The following USP31 variants were observed in gnomAD, a reference collection of about 807,000 sequenced individuals.
USP31 encodes the protein ubiquitin carboxyl-terminal hydrolase 31.
In USP31, 44 loss-of-function variants were observed where a neutral mutation model predicts 119.4. The observed-to-expected ratio is 0.37, with a 90% CI of 0.29 to 0.47. The LOEUF is 0.47. Among genes scored for constraint, USP31 ranks in the 20% least tolerant of loss-of-function variants. The probability of loss-of-function intolerance (pLI) is 0.99; values close to 1 mark genes in which losing one functional copy is unlikely to be tolerated. For synonymous variants in USP31, 749 were observed against 705.6 expected (o/e 1.06, Z -0.97); for missense variants, 1,643 against 1,730.2 (o/e 0.95, Z 0.89).
At chr16:23,086,670 G>A (rs1218738778) in intron 9 of USP31, among the ~76,000 whole-genome samples, 3 of 152,174 alleles carry the variant, frequency 2.0e-5, no homozygotes, top group South Asian at 2.1e-4. Flanking sequence ...GAGAGGAAGA[G>A]CAAAGCCTGA....
chr16:23,087,659 G>A, intron 8 of USP31, 65 bp downstream of exon 8: 1 of 1,404,476 alleles, frequency 7.1e-7, no homozygotes, highest in Non-Finnish European at 9.9e-7. Context: ...AAATTTCATT[G>A]TAATGTTTGT....
intron 7 of USP31, 85 bp from the exon 8 acceptor site, chr16:23,087,920 G>T (rs563053462): frequency 8.5e-7 from 1 of 1,182,236 alleles, no homozygotes; most frequent in South Asian, 1.3e-5. Flanking sequence ...CTCTTAAAAC[G>T]GAATCACAAT....
intron 1 of USP31, among the ~76,000 whole-genome samples, chr16:23,132,276 A>G (rs925367271): frequency 2.0e-5 from 3 of 152,248 alleles, no homozygotes; most frequent in Non-Finnish European, 4.4e-5. Context: ...AACAGAGGAC[A>G]TAACTTTAAA....
intron 1 of USP31, among the ~76,000 whole-genome samples, chr16:23,118,870 G>C (rs1242131740): frequency 1.3e-5 from 2 of 151,844 alleles, no homozygotes; most frequent in Non-Finnish European, 2.9e-5. Flanking sequence ...CTACTCTACA[G>C]GCTGAGGCAG....
At position 23,106,443 on chromosome 16, in the gene USP31, A is replaced by T. The variant is rs776523536; in HGVS notation, c.816T>A (p.Pro272=). 6.2e-7 allele frequency: 1 copy of T among 1,613,836 alleles called. No individual in the cohort carries two copies. The highest frequency in any genetic ancestry group is 1.7e-5 in the Admixed American group (1 of 59,980). Residue 272 remains proline (P), a synonymous_variant, in exon 3 of 16, where the codon CCT becomes CCA. Transcript: ENST00000219689. ...GTTCTTGTACAAAAGTGCTACAGAC[A>T]GGGAAAGATGGTCCCTCAGGCATCA... is the stretch of plus-strand genomic sequence containing the variant. ...TDMMPEGPSF[P]VCSTFVQELF...
chr16:23,101,075 T>C (rs529064622), intron 6 of USP31, among the ~76,000 whole-genome samples: 1 of 152,256 alleles, frequency 6.6e-6, no homozygotes, highest in East Asian at 1.9e-4. Flanking sequence ...GAACCACTGG[T>C]AAATCAATAG....
chr16:23,082,667 C>T, intron 11 of USP31, 110 bp from the exon 12 acceptor site: 1 of 1,438,576 alleles, frequency 7.0e-7, no homozygotes, highest in Non-Finnish European at 9.5e-7. Context: ...TCTCTGTAAA[C>T]CGCAGATGCT....
intron 1 of USP31, among the ~76,000 whole-genome samples, chr16:23,129,492 A>G (rs914606048): frequency 8.5e-5 from 13 of 152,182 alleles, no homozygotes; most frequent in African/African-American, 2.9e-4. Context: ...TTAAATATTT[A>G]TGGGTGAAAT....
chr16:23,095,258 T>G (rs1901551123), intron 6 of USP31, among the ~76,000 whole-genome samples: 1 of 151,870 alleles, frequency 6.6e-6, no homozygotes, highest in African/African-American at 2.4e-5. Flanking sequence ...TGACTGAAGC[T>G]CAAATTAATG....
At chr16:23,114,097 C>CCTTA (rs1221390282) in intron 1 of USP31, among the ~76,000 whole-genome samples, 1 of 150,344 alleles carries the variant, frequency 6.7e-6, no homozygotes, top group Non-Finnish European at 1.5e-5. Context: ...AGAGCAAGAC[C>CCTTA]CTTACTCAAA....
intron 13 of USP31, among the ~76,000 whole-genome samples, chr16:23,077,467 G>A (rs564651919): frequency 2.0e-5 from 3 of 152,172 alleles, no homozygotes; most frequent in Non-Finnish European, 4.4e-5. Context: ...AAGGTAGCAA[G>A]GCCAACGGAC....
At chr16:23,131,611 A>G (rs1255903950) in intron 1 of USP31, among the ~76,000 whole-genome samples, 1 of 152,146 alleles carries the variant, frequency 6.6e-6, no homozygotes, top group East Asian at 1.9e-4. Context: ...CAAGCAGTAA[A>G]ATGAGTGTAG....
intron 7 of USP31, among the ~76,000 whole-genome samples, chr16:23,088,661 C>A (rs1464804722): frequency 6.6e-6 from 1 of 152,208 alleles, no homozygotes; most frequent in Non-Finnish European, 1.5e-5. Context: ...GTCTCCTACT[C>A]ACTCATGTGA....
At position 23,149,119 on chromosome 16, in the gene USP31, G is replaced by A. The variant is rs1430919532; in HGVS notation, c.152C>T (p.Ser51Leu). Residue 51 changes from serine to leucine, a missense_variant, in exon 1 of 16, where the codon TCG becomes TTG. By Grantham distance (145) the Ser-to-Leu change is moderately radical (BLOSUM62 -2). Around this residue, in one of 5 missense-constraint regions of USP31, gnomAD observed 302 missense variants for 262.6 expected, o/e 1.15. Coordinates refer to ENST00000219689, the MANE Select transcript of USP31 (RefSeq NM_020718.4). ...GCGTGCAGAGGAGGGCGAGGAGGGC[G>A]AGGAAGGCGCGGCCGGCCCGGACGC... ...PGASGPAAPS[S>L]PSSPSSARSV... is the part of the protein sequence containing the mutation. 3.3e-5 allele frequency: 42 copies of A among 1,258,618 alleles called. No homozygotes were observed. The highest frequency in any genetic ancestry group is 4.3e-5 in the Non-Finnish European group (42 of 979,330). 78.0% of individuals were successfully genotyped at this position (1,258,618 alleles called of 1,614,324 possible).
chr16:23,071,650 C>G (rs1367976802), intron 15 of USP31, among the ~76,000 whole-genome samples: 2 of 151,768 alleles, frequency 1.3e-5, no homozygotes, highest in African/African-American at 4.8e-5. Context: ...CAGGGGCCTC[C>G]ATGCCAAGCC....
intron 13 of USP31, among the ~76,000 whole-genome samples, chr16:23,077,281 C>T (rs757075568): frequency 6.6e-6 from 1 of 152,056 alleles, no homozygotes; most frequent in Non-Finnish European, 1.5e-5. Flanking sequence ...CTGCCTGCAG[C>T]ATTTAAATAT....
chr16:23,105,958 C>T (rs568204605), intron 4 of USP31, among the ~76,000 whole-genome samples: 19 of 152,228 alleles, frequency 1.2e-4, no homozygotes, highest in African/African-American at 2.4e-4. Flanking sequence ...CAGCAGCCCC[C>T]GTCCCCCAAC....
intron 4 of USP31, 79 bp downstream of exon 4, chr16:23,106,134 G>C (rs1317999672): frequency 2.1e-6 from 3 of 1,460,168 alleles, no homozygotes; most frequent in Non-Finnish European, 2.9e-6. Flanking sequence ...AAATAAGTAA[G>C]AAGACCTAAT....
chr16:23,090,761 C>G lies in USP31; in HGVS notation c.1278G>C (p.Leu426Phe). 2 of 1,608,122 alleles carry G rather than the reference C, an allele frequency of 1.2e-6. No homozygotes were observed. Among genetic ancestry groups the G allele is most frequent in the Non-Finnish European group, 1.7e-6 (2 of 1,175,570 alleles). The change falls in exon 7 of 16, where the codon TTG (leucine) becomes TTC (phenylalanine). Residue 426 changes from leucine to phenylalanine, a missense_variant. Transcript: ENST00000219689. ...TAGGAGAAGACAGTCTATGATAATCCAAGCCAAATTTCAAGTGGTTTAGGT... is the reference window on the plus strand; with the variant it reads ...TAGGAGAAGACAGTCTATGATAATCGAAGCCAAATTTCAAGTGGTTTAGGT... ...NNNLNHLKFG[L>F]DYHRLSSPTQ... is the part of the protein sequence containing the mutation.
Sources: allele counts gnomAD v4.1 joint callset (sites outside exome capture counted in the v4.1 genomes callset), GRCh38; gene constraint gnomAD v4.1.1; regional missense constraint gnomAD v4.1.1; transcripts MANE v1.5; gene names NCBI Gene and HGNC (gene_info 2026-07-23, HGNC 2026-07-21).